Variants in SYNE1 observed in about 807,000 individuals in gnomAD.
SYNE1 encodes the protein spectrin repeat containing nuclear envelope protein 1, also known as nesprin-1.
SYNE1 carries 616 observed loss-of-function variants against 1,111.0 expected under a neutral mutation model. That is an observed-to-expected ratio of 0.55 (90% CI 0.52 to 0.59). SYNE1 has a LOEUF of 0.59. SYNE1 is among the 20% of genes least tolerant of loss of function. The pLI is 0.00. For synonymous variants in SYNE1, 3,855 were observed against 3,825.8 expected (o/e 1.01, Z -0.28); for missense variants, 10,006 against 10,417.0 (o/e 0.96, Z 1.72).
chr6:152,391,580 G>GA lies in SYNE1; in HGVS notation c.7713-13dup, dbSNP rs756232172. On this transcript the variant is annotated splice_polypyrimidine_tract_variant and intron_variant, in intron 51 of 145. Coordinates refer to ENST00000367255, the MANE Select transcript of SYNE1 (RefSeq NM_182961.4). ...TATCAAGAGACTCTCTGAAAAAAAG[G>GA]AAAAAAAAAAAAAAGAAAAAAAATT... The GA allele has an allele frequency of 0.055, 67,529 of 1,230,716 alleles. 47 individuals are homozygous for GA. The highest frequency in any genetic ancestry group is 0.06 in the Non-Finnish European group (55,160 of 920,996). The allele number at this position is 1,230,716 out of a possible 1,614,324, so 76.2% of individuals were successfully genotyped here. A position where few individuals can be genotyped will look rare whatever the true frequency, so the allele number is the denominator to read the frequency against.
intron 13 of SYNE1, among the ~76,000 whole-genome samples, chr6:152,484,409 A>G (rs1230896884): frequency 5.9e-5 from 9 of 152,204 alleles, no homozygotes; most frequent in Admixed American, 5.2e-4. Context: ...GCAAAACTGT[A>G]TGTCAACACA....
chr6:152,553,648 C>G (rs552474009), intron 3 of SYNE1, among the ~76,000 whole-genome samples: 2 of 152,270 alleles, frequency 1.3e-5, no homozygotes, highest in South Asian at 4.1e-4. Flanking sequence ...GCCTCCTCAA[C>G]AGAGCAGGAA....
At chr6:152,474,333 C>A (rs1008683350) in intron 14 of SYNE1, among the ~76,000 whole-genome samples, 1 of 152,088 alleles carries the variant, frequency 6.6e-6, no homozygotes. Flanking sequence ...TATTTTAGGT[C>A]CCCCATTCTT....
In SYNE1 at chr6:152,338,104, C is replaced by A. The variant is rs562734138; in HGVS notation, c.12352-1087G>T. 2.6e-5 allele frequency among the ~76,000 whole-genome samples: 4 copies of A among 152,052 alleles called. No homozygotes were observed. In the South Asian group the frequency reaches 8.3e-4, roughly 32 times the overall value. On this transcript the variant is annotated intron_variant, in intron 75 of 145. Coordinates refer to ENST00000367255, the MANE Select transcript of SYNE1 (RefSeq NM_182961.4). ...CGGAGGTTGCAGTGAGCCAAAATTG[C>A]GCCACTGTGCTCCGGCCTGGGAAAC...
rs1441075772 is a variant in SYNE1, at chr6:152,636,729, C to G, written c.-315G>C. ...CTCTGCGCCCAGGCTCGGCGGGACC[C>G]CGGGGATGCGCGGCTGTCCGCCCGC... On this transcript the variant is annotated 5_prime_UTR_variant, in exon 2 of 146. Coordinates refer to ENST00000367255, the MANE Select transcript of SYNE1 (RefSeq NM_182961.4). The G allele has an allele frequency of 6.6e-6, 1 of 152,326 alleles. No homozygotes were observed. The highest frequency in any genetic ancestry group is 1.5e-5 in the Non-Finnish European group (1 of 68,134). The allele number at this position is 152,326 out of a possible 1,614,324, so 9.4% of individuals were successfully genotyped here. A position where few individuals can be genotyped will look rare whatever the true frequency, so the allele number is the denominator to read the frequency against.
chr6:152,469,026 C>T (rs2098788843), intron 16 of SYNE1, among the ~76,000 whole-genome samples: 1 of 152,112 alleles, frequency 6.6e-6, no homozygotes, highest in East Asian at 1.9e-4. Context: ...GACTCTTCAA[C>T]CTAAGCCTCC....
chr6:152,249,132 C>T, intron 105 of SYNE1, 29 bp downstream of exon 105: 1 of 1,425,492 alleles, frequency 7.0e-7, no homozygotes, highest in African/African-American at 1.4e-5. Flanking sequence ...TATGCATTTT[C>T]TCTTCTAGGA....
rs903952475 is a variant in SYNE1, at chr6:152,601,516, G to A, written c.67+26749C>T. ...CGCCTACACAAGGTGAGGAAACTTCGCAGCAGGATTAGAATGTGGATGCCT... is the reference window on the plus strand; with the variant it reads ...CGCCTACACAAGGTGAGGAAACTTCACAGCAGGATTAGAATGTGGATGCCT... On this transcript the variant is annotated intron_variant, in intron 3 of 145. Transcript: ENST00000367255. 3.3e-5 allele frequency among the ~76,000 whole-genome samples: 5 copies of A among 152,274 alleles called. No homozygotes were observed. In the South Asian group the frequency reaches 6.2e-4, roughly 19 times the overall value.
chr6:152,348,653 C>G (rs2096683684), intron 72 of SYNE1, among the ~76,000 whole-genome samples: 1 of 151,534 alleles, frequency 6.6e-6, no homozygotes, highest in Admixed American at 6.6e-5. Context: ...CCATTGCACT[C>G]CAGCCTGGGC....
intron 131 of SYNE1, among the ~76,000 whole-genome samples, chr6:152,157,999 C>T (rs1004692347): frequency 2.0e-5 from 3 of 152,084 alleles, no homozygotes; most frequent in Non-Finnish European, 4.4e-5. Flanking sequence ...CCAGGTGATC[C>T]GCCCACCTCG....
intron 122 of SYNE1, among the ~76,000 whole-genome samples, chr6:152,214,158 A>T (rs1444929004): frequency 6.7e-6 from 1 of 149,728 alleles, no homozygotes; most frequent in Non-Finnish European, 1.5e-5. Flanking sequence ...GTGCCTTTGC[A>T]CTCCAGCCTG....
chr6:152,473,477 A>T (rs2098818184), intron 14 of SYNE1, among the ~76,000 whole-genome samples: 1 of 152,220 alleles, frequency 6.6e-6, no homozygotes, highest in Non-Finnish European at 1.5e-5. Context: ...ATGACATTTT[A>T]ACATGGTAGA....
At chr6:152,354,427 A>G (rs886718881) in intron 67 of SYNE1, among the ~76,000 whole-genome samples, 26 of 152,236 alleles carry the variant, frequency 1.7e-4, no homozygotes, top group African/African-American at 6.3e-4. Context: ...GTAATAGGGT[A>G]TGGAAAGAAA....
At chr6:152,601,132 C>T (rs1394320820) in intron 3 of SYNE1, among the ~76,000 whole-genome samples, 2 of 152,146 alleles carry the variant, frequency 1.3e-5, no homozygotes, top group African/African-American at 2.4e-5. Context: ...GGGATATATG[C>T]TAAATGGTTT....
At position 152,330,986 on chromosome 6, in the gene SYNE1, A is replaced by G. The variant is rs1563124910; in HGVS notation, c.13699T>C (p.Phe4567Leu). 1.2e-6 allele frequency: 2 copies of G among 1,614,170 alleles called. No homozygotes were observed. The highest frequency in any genetic ancestry group is 1.7e-6 in the Non-Finnish European group (2 of 1,180,040). The change falls in exon 78 of 146, where the codon TTT (phenylalanine) becomes CTT (leucine). Residue 4567 changes from phenylalanine to leucine, a missense_variant. Coordinates refer to ENST00000367255, the MANE Select transcript of SYNE1 (RefSeq NM_182961.4). ...LEKNLVSRKHFKEDFDKACHW... is the reference protein window; with the variant it reads ...LEKNLVSRKHLKEDFDKACHW... ...CAAGCTTTATCAAAATCTTCCTTAA[A>G]ATGCTTCCTAGAAACCAAATTCTTC...
At chr6:152,213,955 C>G (rs544580021) in intron 122 of SYNE1, among the ~76,000 whole-genome samples, 196 bp from the exon 123 acceptor site, 2 of 152,240 alleles carry the variant, frequency 1.3e-5, no homozygotes, top group African/African-American at 4.8e-5. Context: ...AATCCCAACA[C>G]TTTGGGAGAC....
chr6:152,220,888 TTGTTTGTGGC>T lies in SYNE1; in HGVS notation c.21805_21814del (p.Ala7269ArgfsTer39). The T allele has an allele frequency of 6.2e-7, 1 of 1,614,144 alleles. No individual in the cohort carries two copies. The highest frequency in any genetic ancestry group is 8.5e-7 in the Non-Finnish European group (1 of 1,179,984). ...GGCAACCTCATCATCGGCAATGTCC[TTGTTTGTGGC>T]TGCCTTCAACAGCTCATTGGTTCGA... is the stretch of plus-strand genomic sequence containing the variant. On this transcript the variant is annotated frameshift_variant, in exon 119 of 146. Coordinates refer to ENST00000367255, the MANE Select transcript of SYNE1 (RefSeq NM_182961.4). LOFTEE classifies it high-confidence loss of function.
rs2080130422 is a variant in SYNE1 at position 152,221,324 on chromosome 6, G to T, written c.21656+102C>A. 7 of 1,406,124 alleles carry T rather than the reference G, an allele frequency of 5.0e-6. No homozygotes were observed. In the East Asian group the frequency reaches 1.7e-4, roughly 34 times the overall value. The allele number at this position is 1,406,124 out of a possible 1,614,324, so 87.1% of individuals were successfully genotyped here. A position where few individuals can be genotyped will look rare whatever the true frequency, so the allele number is the denominator to read the frequency against. On this transcript the variant is annotated intron_variant, in intron 118 of 145. Coordinates refer to ENST00000367255, the MANE Select transcript of SYNE1 (RefSeq NM_182961.4). ...TGTGAAAGAGAAGTTTAAAGGAATAGAATCTATATAGCTCAAATTCAAACT... is the reference window on the plus strand; with the variant it reads ...TGTGAAAGAGAAGTTTAAAGGAATATAATCTATATAGCTCAAATTCAAACT...
intron 131 of SYNE1, among the ~76,000 whole-genome samples, chr6:152,156,833 C>CA (rs2061471547): frequency 6.8e-6 from 1 of 146,168 alleles, no homozygotes; most frequent in South Asian, 2.2e-4. Context: ...CAAAGATTTA[C>CA]TTTTTTTTTT....
Sources: gnomAD v4.1 joint callset for allele counts (sites outside exome capture counted in the v4.1 genomes callset) on GRCh38, gnomAD v4.1.1 for gene constraint, MANE v1.5 for transcripts, NCBI Gene and HGNC (gene_info 2026-07-23, HGNC 2026-07-21) for gene names.